METTL24: variants seen among roughly 807,000 people sequenced by gnomAD.
METTL24 encodes the protein methyltransferase like 24, also known as probable methyltransferase-like protein 24.
A neutral mutation model predicts 32.7 loss-of-function variants in METTL24; 29 were observed. The observed-to-expected ratio is 0.89, with a 90% CI of 0.66 to 1.21. METTL24 has a LOEUF of 1.21. METTL24 is among the 50% of genes most tolerant of loss of function. The pLI is 0.00. For synonymous variants in METTL24, 163 were observed against 179.5 expected (o/e 0.91, Z 0.73); for missense variants, 439 against 468.1 (o/e 0.94, Z 0.57).
chr6:110,291,541 TA>T (rs951222323), intron 4 of METTL24, among the ~76,000 whole-genome samples: 6 of 152,126 alleles, frequency 3.9e-5, no homozygotes, highest in African/African-American at 1.2e-4. Flanking sequence ...TGCAGATTTT[TA>T]AAAAAAACTT....
chr6:110,340,078 A>AAC, intron 1 of METTL24, among the ~76,000 whole-genome samples: 1 of 152,214 alleles, frequency 6.6e-6, no homozygotes, highest in East Asian at 1.9e-4. Context: ...CAAATGAAAC[A>AAC]ACACAAAAAT....
Position 110,268,348 on chromosome 6 carries a change from C to T in METTL24, c.787-22088G>A, listed in dbSNP as rs9487330. 5.3e-3 allele frequency among the ~76,000 whole-genome samples: 805 copies of T among 152,280 alleles called. 6 individuals are homozygous for T. The highest frequency in any genetic ancestry group is 0.018 in the African/African-American group (767 of 41,566). On this transcript the variant is annotated intron_variant, in intron 4 of 4. Coordinates refer to ENST00000338882, the MANE Select transcript of METTL24 (RefSeq NM_001123364.3). Reference sequence around the variant, plus strand: ...ATTCTAACTGGGTCTGACTTCAAAACAGGGGTTCTTGCAGCATGTTCTTAA... The same window carrying T: ...ATTCTAACTGGGTCTGACTTCAAAATAGGGGTTCTTGCAGCATGTTCTTAA...
intron 1 of METTL24, among the ~76,000 whole-genome samples, chr6:110,339,136 T>G (rs1239103512): frequency 2.0e-5 from 3 of 152,196 alleles, no homozygotes; most frequent in Non-Finnish European, 4.4e-5. Context: ...CAGTGTACCT[T>G]AAAACATGGT....
chr6:110,324,617 T>A (rs1022169371), intron 1 of METTL24, among the ~76,000 whole-genome samples: 1 of 152,252 alleles, frequency 6.6e-6, no homozygotes, highest in African/African-American at 2.4e-5. Flanking sequence ...CCACGAATCA[T>A]GTAGCCAGTC....
chr6:110,273,379 G>C (rs1051632482), intron 4 of METTL24, among the ~76,000 whole-genome samples: 1 of 151,938 alleles, frequency 6.6e-6, no homozygotes, highest in Non-Finnish European at 1.5e-5. Flanking sequence ...CCTTTAAAAA[G>C]TGGGCAAAGA....
rs903903373 is a variant in METTL24, at chr6:110,252,877, T to A, written c.787-6617A>T. On this transcript the variant is annotated intron_variant, in intron 4 of 4. Transcript: ENST00000338882. ...CCCCAAGCCTAGAAAGGCTTCATGC[T>A]TGATTTAACACTCTGCTGTCACTGT... Among the ~76,000 whole-genome samples the A allele has an allele frequency of 1.6e-4, 24 of 152,276 alleles. No individual in the cohort carries two copies. In the South Asian group the frequency reaches 5.0e-3, roughly 32 times the overall value.
At position 110,245,970 on chromosome 6, in the gene METTL24, A is replaced by G; in HGVS notation, c.1077T>C (p.Ser359=). 1.2e-6 allele frequency: 2 copies of G among 1,613,460 alleles called. No individual in the cohort carries two copies. Among genetic ancestry groups the G allele is most frequent in the African/African-American group, 1.3e-5 (1 of 75,026 alleles). ...CCTATTTCCATCTTGTATTCACCCAACTCAGAGTATAACAGCTACTTGCAT... is the reference window on the plus strand; with the variant it reads ...CCTATTTCCATCTTGTATTCACCCAGCTCAGAGTATAACAGCTACTTGCAT... ...IFNASSCYTL[S]WVNTRWK Residue 359 remains serine, a synonymous_variant, in exon 5 of 5, where the codon AGT becomes AGC. Transcript: ENST00000338882.
intron 4 of METTL24, among the ~76,000 whole-genome samples, chr6:110,289,036 T>C (rs1771273900): frequency 6.6e-6 from 1 of 152,118 alleles, no homozygotes. Context: ...GATGGTTCAG[T>C]GTCTGAATAG....
intron 3 of METTL24, among the ~76,000 whole-genome samples, chr6:110,307,379 A>T (rs1182057728): frequency 6.6e-6 from 1 of 152,242 alleles, no homozygotes; most frequent in Non-Finnish European, 1.5e-5. Context: ...CTGCTATTTA[A>T]CTAGAAGGAG....
chr6:110,272,079 T>G (rs1386820068), intron 4 of METTL24, among the ~76,000 whole-genome samples: 1 of 152,118 alleles, frequency 6.6e-6, no homozygotes, highest in Admixed American at 6.6e-5. Flanking sequence ...TTCTGAAGTT[T>G]TGGTGTACCC....
intron 1 of METTL24, among the ~76,000 whole-genome samples, chr6:110,344,196 G>A (rs779526160): frequency 1.2e-4 from 18 of 152,078 alleles, no homozygotes; most frequent in African/African-American, 3.6e-4. Context: ...CATGACCTTC[G>A]AGACTTTGCG....
chr6:110,299,164 G>T lies in METTL24; in HGVS notation c.558-14C>A. The T allele has an allele frequency of 6.2e-7, 1 of 1,608,354 alleles. No homozygotes were observed. ...TCACTTCCTAGCCTATAAAGAAAGA[G>T]GACGGAAATCAACAACAAAAAATGC... On this transcript the variant is annotated splice_polypyrimidine_tract_variant and intron_variant, in intron 3 of 4. Transcript: ENST00000338882.
chr6:110,258,572 A>G (rs72935918), intron 4 of METTL24, among the ~76,000 whole-genome samples: 8,308 of 152,168 alleles, frequency 0.055, 298 homozygotes, highest in Non-Finnish European at 0.087. Flanking sequence ...ATGGAGAGGT[A>G]GATAGGTGGA....
intron 4 of METTL24, among the ~76,000 whole-genome samples, chr6:110,279,058 C>T (rs1444264099): frequency 1.3e-5 from 2 of 152,208 alleles, no homozygotes; most frequent in Admixed American, 6.5e-5. Context: ...CCATAGCATA[C>T]TCAGCCAGCT....
chr6:110,251,941 C>T (rs751678158), intron 4 of METTL24, among the ~76,000 whole-genome samples: 24 of 152,258 alleles, frequency 1.6e-4, no homozygotes, highest in Middle Eastern at 3.4e-3. Context: ...GCCAGGATTT[C>T]GAGACCAGCC....
chr6:110,274,699 A>G (rs1394151919), intron 4 of METTL24, among the ~76,000 whole-genome samples: 1 of 151,910 alleles, frequency 6.6e-6, no homozygotes, highest in African/African-American at 2.4e-5. Context: ...TTGTAAAAAT[A>G]CAACTAAGGC....
intron 1 of METTL24, among the ~76,000 whole-genome samples, chr6:110,344,997 T>C (rs952798662): frequency 3.9e-5 from 6 of 152,144 alleles, no homozygotes; most frequent in Admixed American, 1.3e-4. Context: ...GCAAACAACC[T>C]GTAGTGGATG....
chr6:110,330,474 G>T (rs1311104041), intron 1 of METTL24, among the ~76,000 whole-genome samples: 5 of 152,204 alleles, frequency 3.3e-5, no homozygotes, highest in African/African-American at 1.2e-4. Flanking sequence ...GGGAAACTGG[G>T]GAGAAGGAGT....
Position 110,315,486 on chromosome 6 carries a change from A to G in METTL24, c.418-5T>C, listed in dbSNP as rs374747148. 5 of 1,613,318 alleles carry G rather than the reference A, an allele frequency of 3.1e-6. No homozygotes were observed. The African/African-American group carries it at 6.7e-5, about 22-fold the overall frequency. ...ATTCATGTGATTGCATGCAATCTGT[A>G]AAGATTGGAAATCAATGTGAATAAT... is the stretch of plus-strand genomic sequence containing the variant. On this transcript the variant is annotated splice_polypyrimidine_tract_variant and splice_region_variant and intron_variant, in intron 2 of 4. Transcript: ENST00000338882.
Sources: gnomAD v4.1 joint callset for allele counts (sites outside exome capture counted in the v4.1 genomes callset) on GRCh38, gnomAD v4.1.1 for gene constraint, MANE v1.5 for transcripts, NCBI Gene and HGNC (gene_info 2026-07-23, HGNC 2026-07-21) for gene names.